The following KIF1B variants were observed in gnomAD, a reference collection of about 807,000 sequenced individuals.
KIF1B encodes the protein kinesin family member 1B.
A neutral mutation model predicts 241.9 loss-of-function variants in KIF1B; 76 were observed. The ratio of observed to expected loss-of-function variants is 0.31; its 90% CI spans 0.26 to 0.38. The LOEUF is 0.38. KIF1B is among the 10% of genes least tolerant of loss of function. The pLI is 1.00. For synonymous variants in KIF1B, 750 were observed against 796.7 expected (o/e 0.94, Z 0.99); for missense variants, 1,622 against 2,271.4 (o/e 0.71, Z 5.81).
intron 15 of KIF1B, among the ~76,000 whole-genome samples, chr1:10,289,069 A>G (rs918142322): frequency 5.3e-4 from 80 of 152,340 alleles, no homozygotes; most frequent in African/African-American, 1.9e-3. Context: ...CACTACTAGC[A>G]TCATTACTAT....
chr1:10,306,847 A>G, intron 22 of KIF1B: 1 of 1,043,292 alleles, frequency 9.6e-7, no homozygotes, highest in Non-Finnish European at 1.2e-6. Context: ...TCATTTCCCT[A>G]ACTTGAGATA....
At chr1:10,372,655 GTGACAGAGCTGTCACCCAAGC>G (rs1431680122) in intron 45 of KIF1B, among the ~76,000 whole-genome samples, 3 of 122,378 alleles carry the variant, frequency 2.5e-5, no homozygotes, top group African/African-American at 1.0e-4. Flanking sequence ...GCCAGCTTGG[GTGACAGAGCTGTCACCCAAGC>G]TGGCGCGCAG....
rs1648530496 is a variant in KIF1B, at chr1:10,267,470, C to T, written c.520C>T (p.Leu174Phe). ...GNLRVREHPL[L>F]GPYVEDLSKL... ...TTTGCGTGTGCGTGAACACCCACTT[C>T]TTGGACCCTATGTGGAGGATCTGTC... Residue 174 changes from leucine to phenylalanine, a missense_variant, in exon 6 of 49, where the codon CTT becomes TTT. Around this residue, in one of 7 missense-constraint regions of KIF1B, gnomAD observed 156 missense variants for 244.8 expected, o/e 0.64. Coordinates refer to ENST00000676179, the MANE Select transcript of KIF1B (RefSeq NM_001365951.3). 1 of 1,614,218 alleles carries T rather than the reference C, an allele frequency of 6.2e-7. No homozygotes were observed. Among genetic ancestry groups the T allele is most frequent in the Non-Finnish European group, 8.5e-7 (1 of 1,180,020 alleles).
At chr1:10,214,388 C>T (rs1646734814) in intron 1 of KIF1B, among the ~76,000 whole-genome samples, 1 of 151,846 alleles carries the variant, frequency 6.6e-6, no homozygotes, top group Non-Finnish European at 1.5e-5. Context: ...CTCCCGGGTT[C>T]AAATGATTCT....
chr1:10,268,283 T>TAG lies in KIF1B; in HGVS notation c.720+21_720+22dup. ...GAGAAGGTAGGAGAGTTTCAGTCTCTAGGCTTGAGTTGTGAAGGATGGAGA... is the reference window on the plus strand; with the variant it reads ...GAGAAGGTAGGAGAGTTTCAGTCTCTAGAGGCTTGAGTTGTGAAGGATGGAGA... On this transcript the variant is annotated intron_variant, in intron 7 of 48. Transcript: ENST00000676179. The TAG allele has an allele frequency of 6.9e-7, 1 of 1,457,140 alleles. No homozygotes were observed. Among genetic ancestry groups the TAG allele is most frequent in the Admixed American group, 1.7e-5 (1 of 59,662 alleles). The allele number at this position is 1,457,140 out of a possible 1,614,324, so 90.3% of individuals were successfully genotyped here.
At chr1:10,298,977 G>A (rs919458118) in intron 22 of KIF1B, 4 of 151,478 alleles carry the variant, frequency 2.6e-5, no homozygotes, top group Non-Finnish European at 4.4e-5. Context: ...TGCTCGCTTC[G>A]GCAGCACATA....
Position 10,296,908 on chromosome 1 carries a change from A to G in KIF1B, c.1873A>G (p.Ile625Val), listed in dbSNP as rs1304673432. The G allele has an allele frequency of 6.2e-7, 1 of 1,614,084 alleles. No individual in the cohort carries two copies. ...PVQLRSGNRI[I>V]MGKNHVFRFN... ...CTGTTTTGTGCTAGGAAACCGTATCATCATGGGTAAAAACCATGTTTTCCG... is the reference window on the plus strand; with the variant it reads ...CTGTTTTGTGCTAGGAAACCGTATCGTCATGGGTAAAAACCATGTTTTCCG... The change falls in exon 21 of 49, where the codon ATC (isoleucine) becomes GTC (valine). Residue 625 changes from isoleucine to valine, a missense_variant. By Grantham distance (29) the Ile-to-Val change is conservative (BLOSUM62 3). This residue lies in a region of KIF1B where 803 missense variants were observed against 1,112.0 expected (regional missense o/e 0.72). Transcript: ENST00000676179.
intron 17 of KIF1B, among the ~76,000 whole-genome samples, chr1:10,294,771 G>A (rs1436836933): frequency 6.6e-6 from 1 of 152,160 alleles, no homozygotes; most frequent in East Asian, 1.9e-4. Context: ...GAGAGGCTGA[G>A]GCAGGAGAAT....
chr1:10,257,874 G>A (rs1647891714), intron 3 of KIF1B, among the ~76,000 whole-genome samples: 1 of 151,884 alleles, frequency 6.6e-6, no homozygotes, highest in Non-Finnish European at 1.5e-5. Flanking sequence ...ATGGGGTTTC[G>A]CTGTGTTGGC....
chr1:10,306,019 G>T, intron 22 of KIF1B: 1 of 1,050,430 alleles, frequency 9.5e-7, no homozygotes, highest in African/African-American at 1.7e-5. Flanking sequence ...AAGCCTTAAA[G>T]ATTGTGATTA....
At chr1:10,247,498 G>T (rs1442531671) in intron 2 of KIF1B, among the ~76,000 whole-genome samples, 1 of 152,176 alleles carries the variant, frequency 6.6e-6, no homozygotes, top group Non-Finnish European at 1.5e-5. Flanking sequence ...CTCCATGTAG[G>T]CAGGGACTTG....
At chr1:10,330,099 T>A (rs1176343398) in intron 27 of KIF1B, among the ~76,000 whole-genome samples, 1 of 152,234 alleles carries the variant, frequency 6.6e-6, no homozygotes, top group Non-Finnish European at 1.5e-5. Context: ...ACGTATCCTT[T>A]CCATATTCCC....
rs763386544 is a variant in KIF1B, at chr1:10,377,721, G to A, written c.*1134G>A. The A allele has an allele frequency of 7.0e-5, 13 of 186,390 alleles. No homozygotes were observed. Among genetic ancestry groups the A allele is most frequent in the South Asian group, 1.9e-4 (1 of 5,160 alleles). The allele number at this position is 186,390 out of a possible 1,614,324, so 11.5% of individuals were successfully genotyped here. ...GGGGAGGCCGAGGCGGGCAGATCAC[G>A]AGATCAGGAGTTCAAGACCAGCCTG... On this transcript the variant is annotated 3_prime_UTR_variant, in exon 49 of 49. Transcript: ENST00000676179.
At chr1:10,291,438 C>T (rs374666838) in intron 16 of KIF1B, among the ~76,000 whole-genome samples, 20 of 152,180 alleles carry the variant, frequency 1.3e-4, no homozygotes, top group African/African-American at 3.9e-4. Context: ...TGGCCAGGCG[C>T]GGTGGCTCAC....
chr1:10,217,343 C>CTTTT lies in KIF1B; in HGVS notation c.-80+6478_-80+6481dup, dbSNP rs769372780. 5.8e-4 allele frequency among the ~76,000 whole-genome samples: 76 copies of CTTTT among 131,984 alleles called. 3 individuals carry two copies. Among genetic ancestry groups the CTTTT allele is most frequent in the Non-Finnish European group, 6.1e-4 (37 of 61,138 alleles). The allele number at this position is 131,984 out of a possible 152,430, so 86.6% of individuals were successfully genotyped here. On this transcript the variant is annotated intron_variant, in intron 1 of 48. Coordinates refer to ENST00000676179, the MANE Select transcript of KIF1B (RefSeq NM_001365951.3). ...GCACTTGCTCTTACTCTTTCTTTTT[C>CTTTT]TTTTTTTTTTTTTTTTGAGACAGCC...
At chr1:10,349,233 G>A (rs565992982) in intron 37 of KIF1B, among the ~76,000 whole-genome samples, 24 of 151,914 alleles carry the variant, frequency 1.6e-4, no homozygotes, top group Non-Finnish European at 1.9e-4. Context: ...GAGCCCAGGG[G>A]TTTGTGCCTG....
At chr1:10,358,705 A>T (rs1638328636) in intron 38 of KIF1B, among the ~76,000 whole-genome samples, 1 of 150,808 alleles carries the variant, frequency 6.6e-6, no homozygotes, top group African/African-American at 2.4e-5. Context: ...AAAAAAACAG[A>T]TCTCACAATG....
intron 11 of KIF1B, among the ~76,000 whole-genome samples, 153 bp from the exon 12 acceptor site, chr1:10,276,168 A>AG (rs953789882): frequency 2.0e-5 from 3 of 152,022 alleles, no homozygotes; most frequent in Non-Finnish European, 4.4e-5. Flanking sequence ...TGGGTGAAAG[A>AG]GTGAGACTCC....
At chr1:10,373,315 A>G (rs1638798702) in intron 45 of KIF1B, among the ~76,000 whole-genome samples, 1 of 141,634 alleles carries the variant, frequency 7.1e-6, no homozygotes, top group Non-Finnish European at 1.5e-5. Flanking sequence ...GAGTGCTGCA[A>G]CCTCTGCCTC....
Sources: gnomAD v4.1 joint callset for allele counts (sites outside exome capture counted in the v4.1 genomes callset) on GRCh38, gnomAD v4.1.1 for gene constraint, gnomAD v4.1.1 regional missense constraint, MANE v1.5 for transcripts, NCBI Gene and HGNC (gene_info 2026-07-23, HGNC 2026-07-21) for gene names.